The following DHODH variants were observed in gnomAD, a reference collection of about 807,000 sequenced individuals.
DHODH encodes the protein dihydroorotate dehydrogenase (quinone), also known as dihydroorotate dehydrogenase (quinone), mitochondrial.
Under a neutral mutation model 39.7 loss-of-function variants are expected in DHODH, and 30 were observed. The ratio of observed to expected loss-of-function variants is 0.76; its 90% CI spans 0.57 to 1.02. The LOEUF is 1.02. Ranked by LOEUF, DHODH falls within the 50% of genes least tolerant of loss-of-function variation. DHODH has a pLI of 0.00. For synonymous variants in DHODH, 222 were observed against 213.8 expected (o/e 1.04, Z -0.34); for missense variants, 531 against 520.8 (o/e 1.02, Z -0.19).
At chr16:72,016,570 C>A in intron 3 of DHODH, 1 of 269,804 alleles carries the variant, frequency 3.7e-6, no homozygotes, top group South Asian at 4.3e-5. Context: ...ATGAGGGATC[C>A]TTTGCAGCTG....
intron 1 of DHODH, 123 bp downstream of exon 1, chr16:72,008,908 G>A (rs531001116): frequency 2.6e-6 from 4 of 1,539,400 alleles, no homozygotes; most frequent in South Asian, 1.2e-5. Context: ...CCCCTGGGAC[G>A]TGTGCGTGTT....
intron 1 of DHODH, among the ~76,000 whole-genome samples, chr16:72,009,300 G>A (rs2041055654): frequency 6.6e-6 from 1 of 151,018 alleles, no homozygotes; most frequent in South Asian, 2.1e-4. Flanking sequence ...TCAGGAGATC[G>A]AGACCATCCT....
rs1015608478 is a variant in DHODH at position 72,026,769 on chromosome 16, G to A, written c.*2570G>A. On this transcript the variant is annotated 3_prime_UTR_variant, in exon 9 of 9. Coordinates refer to ENST00000219240, the MANE Select transcript of DHODH (RefSeq NM_001361.5). ...GTCTTGCATTCAGGGGCCATGTGGT[G>A]TGCGGATACCTATTTTTCTTTCTTT... The A allele has an allele frequency of 3.3e-5, 5 of 152,048 alleles. No individual in the cohort carries two copies. The highest frequency in any genetic ancestry group is 1.2e-4 in the African/African-American group (5 of 41,274). The allele number at this position is 152,048 out of a possible 1,614,324, so 9.4% of individuals were successfully genotyped here. A position where few individuals can be genotyped will look rare whatever the true frequency, so the allele number is the denominator to read the frequency against.
intron 5 of DHODH, 34 bp from the exon 6 acceptor site, chr16:72,022,328 C>T (rs375651151): frequency 4.6e-5 from 69 of 1,508,978 alleles, no homozygotes; most frequent in East Asian, 3.7e-4. Context: ...CTGTGGTCTG[C>T]GGGGTCCCCA....
chr16:72,012,092 C>A lies in DHODH; in HGVS notation c.64C>A (p.Leu22Ile). The change falls in exon 2 of 9, where the codon CTT becomes ATT. Residue 22 changes from leucine to isoleucine, a missense_variant. Transcript: ENST00000219240. The part of the protein sequence containing the change: ...DAVIILGGGG[L>I]LFASYLMATG... The stretch of plus-strand genomic sequence containing the variant: ...TGTGATCATCCTGGGGGGAGGAGGA[C>A]TTCTCTTCGCCTCCTACCTGATGGC... The A allele has an allele frequency of 6.2e-7, 1 of 1,614,146 alleles. No homozygotes were observed.
intron 1 of DHODH, 110 bp downstream of exon 1, chr16:72,008,895 G>GC (rs2041050051): frequency 6.5e-7 from 1 of 1,547,872 alleles, no homozygotes; most frequent in Non-Finnish European, 8.7e-7. Context: ...GGGAGTGTGG[G>GC]CCCCCCTGGG....
intron 4 of DHODH, chr16:72,020,353 A>ATATATATATGTG: frequency 9.1e-6 from 1 of 109,436 alleles, no homozygotes; most frequent in Admixed American, 9.8e-5. Flanking sequence ...ATATATATAT[A>ATATATATATGTG]TGTGTATATA....
chr16:72,020,372 T>A (rs1321347751), intron 4 of DHODH: 2 of 70,890 alleles, frequency 2.8e-5, no homozygotes, highest in Non-Finnish European at 5.5e-5. Context: ...TATATATATA[T>A]TTTTTTTTTT....
chr16:72,022,105 A>G (rs985084336), intron 5 of DHODH, among the ~76,000 whole-genome samples: 2 of 151,846 alleles, frequency 1.3e-5, no homozygotes, highest in Non-Finnish European at 2.9e-5. Flanking sequence ...AAAAAAAAAA[A>G]AAAAAAAGAA....
In DHODH at chr16:72,023,455, G is replaced by T; in HGVS notation, c.974-19G>T. On this transcript the variant is annotated intron_variant, in intron 7 of 8. Transcript: ENST00000219240. ...AAGCCACATCCTTCTTTATGGTGTC[G>T]CCATGTGCTTCTCTGTAGGCCGAGT... 6.2e-7 allele frequency: 1 copy of T among 1,614,096 alleles called. No individual in the cohort carries two copies. The highest frequency in any genetic ancestry group is 8.5e-7 in the Non-Finnish European group (1 of 1,180,036).
chr16:72,018,763 A>G (rs2041171755), intron 4 of DHODH, among the ~76,000 whole-genome samples: 1 of 152,202 alleles, frequency 6.6e-6, no homozygotes. Context: ...GGACAGAGTA[A>G]TCCAGCAATT....
At chr16:72,014,300 G>T (rs1442518758) in intron 2 of DHODH, 173 bp from the exon 3 acceptor site, 2 of 641,990 alleles carry the variant, frequency 3.1e-6, no homozygotes, top group African/African-American at 3.7e-5. Flanking sequence ...GTTAAAAATA[G>T]TTCCCCCAGT....
Position 72,024,202 on chromosome 16 carries a change from A to G in DHODH, c.*3A>G. ...TTGGAGCAGATCATCGGAGGTGAGG[A>G]CAGCGTCTGACGGGAAGCCTGATCT... On this transcript the variant is annotated 3_prime_UTR_variant, in exon 9 of 9. Transcript: ENST00000219240. The G allele has an allele frequency of 6.2e-7, 1 of 1,614,156 alleles. No individual in the cohort carries two copies. Among genetic ancestry groups the G allele is most frequent in the Non-Finnish European group, 8.5e-7 (1 of 1,180,000 alleles).
In DHODH at chr16:72,024,227, T is replaced by C; in HGVS notation, c.*28T>C. 1 of 1,613,352 alleles carries C rather than the reference T, an allele frequency of 6.2e-7. No individual in the cohort carries two copies. On this transcript the variant is annotated 3_prime_UTR_variant, in exon 9 of 9. Coordinates refer to ENST00000219240, the MANE Select transcript of DHODH (RefSeq NM_001361.5). Reference sequence around the variant, plus strand: ...ACAGCGTCTGACGGGAAGCCTGATCTGGAACCTTCCCAAGGACTCAGGCAA... The same window carrying C: ...ACAGCGTCTGACGGGAAGCCTGATCCGGAACCTTCCCAAGGACTCAGGCAA...
Position 72,024,513 on chromosome 16 carries a change from C to T in DHODH, c.*314C>T, listed in dbSNP as rs1347734121. ...AAGCCATTTAGAACCTGGGTTTCAA[C>T]GCTAGCCCTTTCTGGTTTGCCATAG... On this transcript the variant is annotated 3_prime_UTR_variant, in exon 9 of 9. Coordinates refer to ENST00000219240, the MANE Select transcript of DHODH (RefSeq NM_001361.5). 6.9e-6 allele frequency: 3 copies of T among 433,366 alleles called. No individual in the cohort carries two copies. Among genetic ancestry groups the T allele is most frequent in the Middle Eastern group, 6.8e-4 (1 of 1,460 alleles). 26.8% of individuals were successfully genotyped at this position (433,366 alleles called of 1,614,324 possible).
intron 4 of DHODH, among the ~76,000 whole-genome samples, 179 bp from the exon 5 acceptor site, chr16:72,020,945 G>C (rs183508290): frequency 6.6e-6 from 1 of 152,356 alleles, no homozygotes; most frequent in African/African-American, 2.4e-5. Context: ...GCCAGTGAGT[G>C]GTTTTGGTCA....
At position 72,012,166 on chromosome 16, in the gene DHODH, G is replaced by A; in HGVS notation, c.138G>A (p.Gln46=). The A allele has an allele frequency of 6.2e-7, 1 of 1,614,162 alleles. No homozygotes were observed. Reference sequence around the variant, plus strand: ...CTGAACACCTGATGCCGACTCTGCAGGGGCTGCTGGACCCGGAGTCAGCCC... The same window carrying A: ...CTGAACACCTGATGCCGACTCTGCAAGGGCTGCTGGACCCGGAGTCAGCCC... The part of the protein sequence containing the change: ...FYAEHLMPTL[Q]GLLDPESAHR... Residue 46 remains glutamine, a synonymous_variant, in exon 2 of 9, where the codon CAG becomes CAA. Coordinates refer to ENST00000219240, the MANE Select transcript of DHODH (RefSeq NM_001361.5).
chr16:72,020,227 G>C (rs1261293232), intron 4 of DHODH, among the ~76,000 whole-genome samples: 1 of 148,798 alleles, frequency 6.7e-6, no homozygotes, highest in Middle Eastern at 3.3e-3. Context: ...AGTGAGCCAA[G>C]ATTGTGCCAC....
At position 72,012,406 on chromosome 16, in the gene DHODH, T is replaced by G. The variant is rs8058214; in HGVS notation, c.234+144T>G. 46,265 of 721,914 alleles carry G rather than the reference T, an allele frequency of 0.064. 3,333 individuals are homozygous for G. The highest frequency in any genetic ancestry group is 0.3 in the African/African-American group (17,201 of 56,840). The allele number at this position is 721,914 out of a possible 1,614,324, so 44.7% of individuals were successfully genotyped here. A position where few individuals can be genotyped will look rare whatever the true frequency, so the allele number is the denominator to read the frequency against. The stretch of plus-strand genomic sequence containing the variant: ...GGAATTCAGTCTGAGCATTATTATT[T>G]TATGTCATGTAATTAGCAACGATGA... On this transcript the variant is annotated intron_variant, in intron 2 of 8. Transcript: ENST00000219240.
Sources: allele counts gnomAD v4.1 joint callset (sites outside exome capture counted in the v4.1 genomes callset), GRCh38; gene constraint gnomAD v4.1.1; transcripts MANE v1.5; gene names NCBI Gene and HGNC (gene_info 2026-07-23, HGNC 2026-07-21).